EGFR: variants seen among roughly 807,000 people sequenced by gnomAD.
The protein encoded by EGFR is epidermal growth factor receptor.
EGFR carries 58 observed loss-of-function variants against 143.0 expected under a neutral mutation model. That is an observed-to-expected ratio of 0.41 (90% CI 0.33 to 0.50). The LOEUF (loss-of-function observed/expected upper bound fraction) is 0.50. Ranked by LOEUF, EGFR falls within the 20% of genes least tolerant of loss-of-function variation. EGFR has a pLI of 0.39. For missense variants in EGFR, 1,307 were observed against 1,579.0 expected (o/e 0.83, Z 2.92); for synonymous variants, 613 against 594.4 (o/e 1.03, Z -0.45).
At chr7:55,203,514 CCATT>C in intron 27 of EGFR, among the ~76,000 whole-genome samples, 2 of 148,308 alleles carry the variant, frequency 1.3e-5, no homozygotes, top group African/African-American at 2.5e-5. Flanking sequence ...ACTACACACA[CCATT>C]ACATACACAC....
chr7:55,148,800 T>C (rs1282640562), intron 4 of EGFR, among the ~76,000 whole-genome samples: 1 of 152,162 alleles, frequency 6.6e-6, no homozygotes, highest in Non-Finnish European at 1.5e-5. Flanking sequence ...AGCTCCTCTC[T>C]TGACTGGTGC....
chr7:55,086,000 C>T (rs11984267), intron 1 of EGFR, among the ~76,000 whole-genome samples: 29,020 of 152,000 alleles, frequency 0.19, 3,180 homozygotes, highest in African/African-American at 0.28. Context: ...CCTCTTCCTC[C>T]CTTAGATTTG....
intron 1 of EGFR, among the ~76,000 whole-genome samples, chr7:55,050,792 G>A (rs934002975): frequency 6.6e-5 from 10 of 152,230 alleles, no homozygotes; most frequent in Admixed American, 2.0e-4. Context: ...TCTACCAGAT[G>A]AACTCTCATT....
chr7:55,128,848 A>G (rs1793679608), intron 1 of EGFR, among the ~76,000 whole-genome samples: 1 of 152,300 alleles, frequency 6.6e-6, no homozygotes, highest in African/African-American at 2.4e-5. Context: ...CTTGAGAGCA[A>G]TTTACCGTCA....
intron 1 of EGFR, 76 bp downstream of exon 1, chr7:55,019,441 C>CCGGCGCACCGGCT (rs1417969796): frequency 4.2e-6 from 4 of 946,712 alleles, no homozygotes; most frequent in African/African-American, 1.8e-5. Context: ...CAACCGCGCA[C>CCGGCGCACCGGCT]CGGCGCACCG....
chr7:55,100,195 A>T (rs1791723067), intron 1 of EGFR, among the ~76,000 whole-genome samples: 16 of 152,164 alleles, frequency 1.1e-4, no homozygotes, highest in Admixed American at 1.0e-3. Flanking sequence ...GAATGGGCAG[A>T]GCTGGGAGCT....
intron 23 of EGFR, among the ~76,000 whole-genome samples, chr7:55,199,095 AAC>A (rs1787740687): frequency 6.6e-6 from 1 of 152,224 alleles, no homozygotes; most frequent in African/African-American, 2.4e-5. Context: ...AAATAAATAA[AAC>A]TAAAGTCTTC....
chr7:55,179,992 A>C (rs17290399), intron 19 of EGFR: 9,563 of 152,224 alleles, frequency 0.063, 757 homozygotes, highest in East Asian at 0.4. Flanking sequence ...CCAGATACTG[A>C]GGGTCCACTG....
intron 1 of EGFR, among the ~76,000 whole-genome samples, chr7:55,021,176 G>C (rs1283125195): frequency 1.3e-5 from 2 of 152,154 alleles, no homozygotes; most frequent in East Asian, 3.9e-4. Flanking sequence ...AAAGGATTCC[G>C]CTTTTCATTG....
intron 1 of EGFR, among the ~76,000 whole-genome samples, chr7:55,057,092 A>G (rs570538717): frequency 1.3e-5 from 2 of 152,352 alleles, no homozygotes; most frequent in South Asian, 4.1e-4. Context: ...AGGTGCTATC[A>G]TGGAGGGAGG....
At position 55,157,699 on chromosome 7, in the gene EGFR, C is replaced by A. The variant is rs1274543317; in HGVS notation, c.1244C>A (p.Thr415Lys). 22 of 1,614,088 alleles carry A rather than the reference C, an allele frequency of 1.4e-5. No homozygotes were observed. Among genetic ancestry groups the A allele is most frequent in the Non-Finnish European group, 1.9e-5 (22 of 1,180,044 alleles). Residue 415 changes from threonine to lysine, a missense_variant, in exon 11 of 28, where the codon ACG (threonine) becomes AAG (lysine). By Grantham distance (78) the Thr-to-Lys change is moderately conservative. Coordinates refer to ENST00000275493, the MANE Select transcript of EGFR (RefSeq NM_005228.5). ...LLIQAWPENR[T>K]DLHAFENLEI... Reference sequence around the variant, plus strand: ...ATTCAGGCTTGGCCTGAAAACAGGACGGACCTCCATGCCTTTGAGAACCTA... The same window carrying A: ...ATTCAGGCTTGGCCTGAAAACAGGAAGGACCTCCATGCCTTTGAGAACCTA...
At chr7:55,059,269 G>A (rs1471841896) in intron 1 of EGFR, among the ~76,000 whole-genome samples, 2 of 152,198 alleles carry the variant, frequency 1.3e-5, no homozygotes, top group Non-Finnish European at 2.9e-5. Context: ...GAAATAAAGA[G>A]TGAAAGAACT....
Position 55,027,076 on chromosome 7 carries a change from A to T in EGFR, c.88+7711A>T, listed in dbSNP as rs1786935457. ...GCATGCCAGATTTTGAGAACTGCTG[A>T]TATACTCCAGGCACATCGCATGCTG... On this transcript the variant is annotated intron_variant, in intron 1 of 27. Transcript: ENST00000275493. Among the ~76,000 whole-genome samples, 3 of 152,164 alleles carry T rather than the reference A, an allele frequency of 2.0e-5. No individual in the cohort carries two copies. The South Asian group carries it at 6.2e-4, about 32-fold the overall frequency.
intron 1 of EGFR, among the ~76,000 whole-genome samples, chr7:55,106,763 G>A (rs1239866471): frequency 6.6e-6 from 1 of 152,042 alleles, no homozygotes; most frequent in Non-Finnish European, 1.5e-5. Context: ...TTAATGTGAT[G>A]GTTTATCATT....
rs890597672 is a variant in EGFR at position 55,173,138 on chromosome 7, C to A, written c.2061+14C>A. On this transcript the variant is annotated intron_variant, in intron 17 of 27. Transcript: ENST00000275493. ...CAGGAGAGGGAGGTGAGTGCCAGTC[C>A]TGGGTGGGCTCAGGAGCCCTCGCAC... 1 of 1,608,070 alleles carries A rather than the reference C, an allele frequency of 6.2e-7. No individual in the cohort carries two copies. The highest frequency in any genetic ancestry group is 2.2e-5 in the East Asian group (1 of 44,884).
At chr7:55,043,965 C>G (rs1292942210) in intron 1 of EGFR, 1 of 152,150 alleles carries the variant, frequency 6.6e-6, no homozygotes, top group African/African-American at 2.4e-5. Context: ...ACCTGAAAAC[C>G]TACCAAGTGA....
chr7:55,095,721 G>GAC lies in EGFR; in HGVS notation c.89-46545_89-46544dup, dbSNP rs35578833. Among the ~76,000 whole-genome samples the GAC allele has an allele frequency of 5.9e-3, 875 of 148,782 alleles. 6 individuals are homozygous for GAC. Among genetic ancestry groups the GAC allele is most frequent in the Middle Eastern group, 0.014 (4 of 294 alleles). The stretch of plus-strand genomic sequence containing the variant: ...CACACAGCACACAGAGATACACACA[G>GAC]ACACACACACACACACACACAGACA... On this transcript the variant is annotated intron_variant, in intron 1 of 27. Coordinates refer to ENST00000275493, the MANE Select transcript of EGFR (RefSeq NM_005228.5).
intron 7 of EGFR, 152 bp downstream of exon 7, chr7:55,154,304 C>T (rs927582441): frequency 1.5e-5 from 19 of 1,264,384 alleles, no homozygotes; most frequent in Admixed American, 9.9e-5. Flanking sequence ...TCCAGGCACA[C>T]AGGCGAGGGG....
At chr7:55,079,477 A>T (rs1222446471) in intron 1 of EGFR, among the ~76,000 whole-genome samples, 2 of 152,030 alleles carry the variant, frequency 1.3e-5, no homozygotes, top group Non-Finnish European at 2.9e-5. Context: ...TGTTCTTTGA[A>T]TTTTTTTCCT....
Sources: gnomAD v4.1 joint callset for allele counts (sites outside exome capture counted in the v4.1 genomes callset) on GRCh38, gnomAD v4.1.1 for gene constraint, MANE v1.5 for transcripts, NCBI Gene and HGNC (gene_info 2026-07-23, HGNC 2026-07-21) for gene names.